SUGCT: variants seen among roughly 807,000 people sequenced by gnomAD.
SUGCT encodes the protein succinyl-CoA:glutarate-CoA transferase.
SUGCT carries 41 observed loss-of-function variants against 55.0 expected under a neutral mutation model. The ratio of observed to expected loss-of-function variants is 0.74; its 90% confidence interval spans 0.58 to 0.97. The LOEUF (loss-of-function observed/expected upper bound fraction) is 0.97, where lower values mean the gene tolerates loss of function less well. Ranked by LOEUF, SUGCT falls within the 50% of genes least tolerant of loss-of-function variation. SUGCT has a pLI of 0.00. For missense variants in SUGCT, 568 were observed against 547.8 expected, an observed-to-expected ratio of 1.04 and a Z score of -0.37; for synonymous variants, 187 against 200.4, an observed-to-expected ratio of 0.93 and a Z score of 0.56.
chr7:40,850,885 T>C (rs1663904526), intron 13 of SUGCT, among the ~76,000 whole-genome samples: 1 of 152,202 alleles, frequency 6.6e-6, no homozygotes, highest in Admixed American at 6.5e-5. Flanking sequence ...CAAAGCTCAA[T>C]GAGAGGTATC....
chr7:40,422,079 CT>C (rs557413958), intron 9 of SUGCT, among the ~76,000 whole-genome samples: 2,354 of 129,996 alleles, frequency 0.018, 20 homozygotes, highest in African/African-American at 0.038. Context: ...CTGTTTGTAC[CT>C]TTTTTTTTTT....
intron 13 of SUGCT, among the ~76,000 whole-genome samples, chr7:40,789,521 T>C (rs76787453): frequency 6.6e-6 from 1 of 152,196 alleles, no homozygotes; most frequent in East Asian, 1.9e-4. Flanking sequence ...TATTAATCCA[T>C]TCATCTATTG....
chr7:40,223,875 A>T (rs1788182342), intron 6 of SUGCT, among the ~76,000 whole-genome samples: 2 of 152,326 alleles, frequency 1.3e-5, no homozygotes, highest in South Asian at 4.1e-4. Flanking sequence ...TGGGTTATCC[A>T]TTTATCTGGA....
intron 13 of SUGCT, among the ~76,000 whole-genome samples, chr7:40,855,115 C>T (rs1563051406): frequency 6.6e-6 from 1 of 151,330 alleles, no homozygotes; most frequent in Non-Finnish European, 1.5e-5. Flanking sequence ...GGAAGTTTCT[C>T]AGATATTTTT....
At chr7:40,848,897 G>A (rs1437001622) in intron 13 of SUGCT, among the ~76,000 whole-genome samples, 2 of 152,118 alleles carry the variant, frequency 1.3e-5, no homozygotes, top group African/African-American at 2.4e-5. Flanking sequence ...TGTTCTAAGT[G>A]TATGGCTCCA....
intron 12 of SUGCT, among the ~76,000 whole-genome samples, chr7:40,586,034 G>T (rs546683122): frequency 6.6e-6 from 1 of 152,050 alleles, no homozygotes; most frequent in South Asian, 2.1e-4. Context: ...CCAGACCTTG[G>T]TAATCATTTC....
intron 8 of SUGCT, among the ~76,000 whole-genome samples, chr7:40,303,892 G>T (rs10243034): frequency 0.99 from 151,305 of 152,116 alleles, 75,251 homozygotes; most frequent in East Asian, 1. Context: ...GGTCAGGAGT[G>T]TGAGACCAGC....
chr7:40,315,991 A>T (rs1012997696), intron 8 of SUGCT, among the ~76,000 whole-genome samples: 12 of 152,138 alleles, frequency 7.9e-5, no homozygotes, highest in Non-Finnish European at 1.6e-4. Context: ...ACTATTGTAG[A>T]TTTGTCAAGA....
chr7:40,346,172 G>A (rs914456645), intron 9 of SUGCT, among the ~76,000 whole-genome samples: 12 of 151,858 alleles, frequency 7.9e-5, no homozygotes, highest in African/African-American at 2.7e-4. Flanking sequence ...GGCCTAGTGG[G>A]TTTTGAATGG....
chr7:40,790,368 C>T (rs1790249968), intron 13 of SUGCT, among the ~76,000 whole-genome samples: 1 of 152,158 alleles, frequency 6.6e-6, no homozygotes, highest in African/African-American at 2.4e-5. Context: ...TGAGGCCTCC[C>T]AAGCCCTGTG....
intron 12 of SUGCT, among the ~76,000 whole-genome samples, chr7:40,511,082 T>A (rs1305988251): frequency 2.0e-5 from 3 of 152,172 alleles, no homozygotes; most frequent in Middle Eastern, 3.2e-3. Flanking sequence ...GTTTTCACAG[T>A]TAGACATAGT....
At chr7:40,262,681 C>T (rs1311943625) in intron 7 of SUGCT, among the ~76,000 whole-genome samples, 1 of 151,896 alleles carries the variant, frequency 6.6e-6, no homozygotes, top group African/African-American at 2.4e-5. Flanking sequence ...AAGAACAAGC[C>T]ATACCACATT....
intron 13 of SUGCT, among the ~76,000 whole-genome samples, chr7:40,828,328 C>A (rs1792456280): frequency 6.6e-6 from 1 of 152,154 alleles, no homozygotes. Context: ...CTATAGGGCA[C>A]ATGGTCTTTC....
the SUGCT span, among the ~76,000 whole-genome samples, chr7:40,920,504 A>G: frequency 2.6e-5 from 4 of 151,934 alleles, no homozygotes; most frequent in African/African-American, 9.7e-5. Flanking sequence ...TGCACCCCCA[A>G]CTCAGCCCAT....
chr7:41,030,501 A>G, the SUGCT span, among the ~76,000 whole-genome samples: 1 of 152,204 alleles, frequency 6.6e-6, no homozygotes, highest in Non-Finnish European at 1.5e-5. Flanking sequence ...GCAAATAAAC[A>G]TTCATTTTAC....
intron 7 of SUGCT, among the ~76,000 whole-genome samples, chr7:40,245,640 T>C (rs1584446433): frequency 6.7e-6 from 1 of 148,972 alleles, no homozygotes; most frequent in Middle Eastern, 3.4e-3. Context: ...AGGGTTTCAC[T>C]GTGTTAGCCA....
rs144109960 is a variant in SUGCT at position 40,266,772 on chromosome 7, T to C, written c.577-7741T>C. On this transcript the variant is annotated intron_variant, in intron 7 of 13. Transcript: ENST00000335693. ...TGGCTCACGCCTATAATCCGAGCAC[T>C]TTGGGAGGCCAAGGCGGGCACATCA... Among the ~76,000 whole-genome samples the C allele has an allele frequency of 5.9e-3, 903 of 152,134 alleles. 9 individuals carry two copies. The highest frequency in any genetic ancestry group is 0.021 in the African/African-American group (856 of 41,512).
intron 9 of SUGCT, among the ~76,000 whole-genome samples, chr7:40,439,597 C>T (rs188006281): frequency 1.2e-4 from 18 of 152,226 alleles, no homozygotes; most frequent in African/African-American, 2.4e-4. Flanking sequence ...TAACTGGTCC[C>T]GGTGCTACGC....
chr7:40,901,652 C>A, the SUGCT span, among the ~76,000 whole-genome samples: 4 of 152,226 alleles, frequency 2.6e-5, no homozygotes, highest in South Asian at 8.3e-4. Context: ...GCTTTCTTGG[C>A]ACATAGATCC....
Sources: allele counts gnomAD v4.1 joint callset (sites outside exome capture counted in the v4.1 genomes callset), GRCh38; gene constraint gnomAD v4.1.1; transcripts MANE v1.5; gene names NCBI Gene and HGNC (gene_info 2026-07-23, HGNC 2026-07-21).